GSK3B: variants seen among roughly 807,000 people sequenced by gnomAD.
GSK3B encodes the protein glycogen synthase kinase-3 beta.
Under a neutral mutation model 56.4 loss-of-function variants are expected in GSK3B, and 15 were observed. The ratio of observed to expected loss-of-function variants is 0.27; its 90% CI spans 0.18 to 0.41. The LOEUF (loss-of-function observed/expected upper bound fraction) is 0.41. GSK3B is among the 10% of genes least tolerant of loss of function. The pLI, the probability that GSK3B is intolerant of heterozygous loss-of-function variation, is 1.00. For missense variants in GSK3B, 300 were observed against 513.4 expected (o/e 0.58, Z 4.02); for synonymous variants, 181 against 188.9 (o/e 0.96, Z 0.34).
At chr3:119,855,002 T>C (rs992817082) in intron 9 of GSK3B, among the ~76,000 whole-genome samples, 4 of 152,224 alleles carry the variant, frequency 2.6e-5, no homozygotes, top group African/African-American at 9.6e-5. Context: ...GTTCTTTTAA[T>C]TGTGATGTTA....
intron 3 of GSK3B, among the ~76,000 whole-genome samples, chr3:119,941,897 G>C (rs1013165312): frequency 1.3e-5 from 2 of 152,174 alleles, no homozygotes; most frequent in African/African-American, 2.4e-5. Context: ...TAGCTACAAA[G>C]CCAGTGCTCT....
chr3:119,982,687 C>T (rs557054245), intron 2 of GSK3B, among the ~76,000 whole-genome samples: 18 of 152,188 alleles, frequency 1.2e-4, no homozygotes, highest in Admixed American at 8.5e-4. Flanking sequence ...ATGAATAAAG[C>T]CTCCAAGAAA....
intron 1 of GSK3B, among the ~76,000 whole-genome samples, chr3:120,087,391 G>A (rs2058473066): frequency 6.6e-6 from 1 of 152,084 alleles, no homozygotes; most frequent in Admixed American, 6.6e-5. Context: ...AATTAGCCAG[G>A]TGTGGTGGCA....
At chr3:120,081,237 T>A (rs1422767906) in intron 1 of GSK3B, among the ~76,000 whole-genome samples, 1 of 150,006 alleles carries the variant, frequency 6.7e-6, no homozygotes, top group African/African-American at 2.5e-5. Flanking sequence ...TTCCCTACTA[T>A]CATTCCTTCA....
chr3:119,943,468 T>C (rs1023486442), intron 3 of GSK3B, among the ~76,000 whole-genome samples: 23 of 152,176 alleles, frequency 1.5e-4, no homozygotes. Flanking sequence ...TATACCTATA[T>C]AAACATGTAC....
At chr3:120,036,288 GA>G (rs745833136) in intron 1 of GSK3B, among the ~76,000 whole-genome samples, 2 of 152,074 alleles carry the variant, frequency 1.3e-5, no homozygotes, top group Non-Finnish European at 2.9e-5. Context: ...GAAAGTCCTC[GA>G]TTTTTTTATG....
chr3:119,951,677 G>GT (rs2057158719), intron 2 of GSK3B, among the ~76,000 whole-genome samples: 1 of 151,692 alleles, frequency 6.6e-6, no homozygotes, highest in African/African-American at 2.4e-5. Flanking sequence ...CTATAATCAG[G>GT]TTAAAAAAAA....
At position 119,982,397 on chromosome 3, in the gene GSK3B, C is replaced by T. The variant is rs556875758; in HGVS notation, c.282+19649G>A. On this transcript the variant is annotated intron_variant, in intron 2 of 10. Transcript: ENST00000264235. Reference sequence around the variant, plus strand: ...TTGACAGAAGTAGGCTTCATAAGGTCGGTAATAACAGACTTCTCCGAGTTA... The same window carrying T: ...TTGACAGAAGTAGGCTTCATAAGGTTGGTAATAACAGACTTCTCCGAGTTA... Among the ~76,000 whole-genome samples, 110 of 152,230 alleles carry T rather than the reference C, an allele frequency of 7.2e-4. 2 individuals are homozygous for T. The highest frequency in any genetic ancestry group is 2.5e-3 in the African/African-American group (102 of 41,530).
intron 2 of GSK3B, among the ~76,000 whole-genome samples, chr3:119,965,355 T>C (rs2057309800): frequency 6.6e-6 from 1 of 151,374 alleles, no homozygotes; most frequent in African/African-American, 2.4e-5. Context: ...TTAGCCACCG[T>C]GCCCAGCCAT....
At chr3:120,051,836 T>C (rs1225709759) in intron 1 of GSK3B, among the ~76,000 whole-genome samples, 1 of 151,874 alleles carries the variant, frequency 6.6e-6, no homozygotes, top group Middle Eastern at 3.2e-3. Context: ...AAATAGGAAG[T>C]ATTTTGAAAA....
intron 1 of GSK3B, among the ~76,000 whole-genome samples, chr3:120,054,443 C>T (rs1299574418): frequency 6.6e-6 from 1 of 152,164 alleles, no homozygotes; most frequent in Non-Finnish European, 1.5e-5. Flanking sequence ...CTTCTTATTC[C>T]TAAATCTAAT....
chr3:120,080,161 C>T (rs757264656), intron 1 of GSK3B, among the ~76,000 whole-genome samples: 1 of 151,976 alleles, frequency 6.6e-6, no homozygotes, highest in African/African-American at 2.4e-5. Flanking sequence ...CATGGTAGCG[C>T]ACTCCTGTGG....
At chr3:120,040,315 A>G (rs1463283381) in intron 1 of GSK3B, among the ~76,000 whole-genome samples, 1 of 152,184 alleles carries the variant, frequency 6.6e-6, no homozygotes, top group Non-Finnish European at 1.5e-5. Flanking sequence ...CCCTTTGGGG[A>G]TCCTGTCAGG....
At chr3:120,025,755 A>T (rs981246176) in intron 1 of GSK3B, among the ~76,000 whole-genome samples, 2 of 152,170 alleles carry the variant, frequency 1.3e-5, no homozygotes, top group African/African-American at 4.8e-5. Flanking sequence ...AAGTTAGTCA[A>T]CCTAAAAGGC....
intron 7 of GSK3B, among the ~76,000 whole-genome samples, chr3:119,882,230 A>G (rs2056387848): frequency 6.6e-6 from 1 of 152,140 alleles, no homozygotes; most frequent in African/African-American, 2.4e-5. Context: ...AAAACAGTTG[A>G]GAAACATATG....
In GSK3B at chr3:119,837,311, C is replaced by T. The variant is rs9784357; in HGVS notation, c.1195+5944G>A. 4.8e-3 allele frequency among the ~76,000 whole-genome samples: 655 copies of T among 135,160 alleles called. 1 individual carries two copies. The highest frequency in any genetic ancestry group is 0.016 in the African/African-American group (616 of 38,098). 88.7% of individuals were successfully genotyped at this position (135,160 alleles called of 152,430 possible). A position where few individuals can be genotyped will look rare whatever the true frequency, so the allele number is the denominator to read the frequency against. On this transcript the variant is annotated intron_variant, in intron 10 of 10. Coordinates refer to ENST00000264235, the MANE Select transcript of GSK3B (RefSeq NM_001146156.2). ...CTGGGACTATAGGCACCCGCTACTA[C>T]GCCCGGCTAATTTTTTTTTTTTTTT...
chr3:119,843,788 A>C (rs1257445797), intron 9 of GSK3B, among the ~76,000 whole-genome samples: 2 of 152,176 alleles, frequency 1.3e-5, no homozygotes, highest in Non-Finnish European at 1.5e-5. Flanking sequence ...TAACAAGGAT[A>C]TTTGGGACTT....
intron 1 of GSK3B, among the ~76,000 whole-genome samples, chr3:120,042,272 G>A (rs900225493): frequency 3.2e-4 from 49 of 152,012 alleles, no homozygotes; most frequent in Non-Finnish European, 3.7e-4. Flanking sequence ...AGAAAGAAAA[G>A]CTAGTAAGAA....
intron 2 of GSK3B, among the ~76,000 whole-genome samples, chr3:119,962,208 T>A (rs2057278751): frequency 6.6e-6 from 1 of 151,880 alleles, no homozygotes; most frequent in Non-Finnish European, 1.5e-5. Flanking sequence ...AAACCCTGTC[T>A]CTAGTAAAAA....
Sources: gnomAD v4.1 joint callset for allele counts (sites outside exome capture counted in the v4.1 genomes callset) on GRCh38, gnomAD v4.1.1 for gene constraint, MANE v1.5 for transcripts, NCBI Gene and HGNC (gene_info 2026-07-23, HGNC 2026-07-21) for gene names.